Variants in MLKL observed in about 807,000 individuals in gnomAD.
The protein encoded by MLKL is mixed lineage kinase domain like pseudokinase.
A neutral mutation model predicts 56.5 loss-of-function variants in MLKL; 55 were observed. That is an observed-to-expected ratio of 0.97 (90% CI 0.78 to 1.22). The LOEUF (loss-of-function observed/expected upper bound fraction) is 1.22, where lower values mean the gene tolerates loss of function less well. MLKL is among the 50% of genes most tolerant of loss of function. The pLI, the probability that MLKL is intolerant of heterozygous loss-of-function variation, is 0.00. For synonymous variants in MLKL, 251 were observed against 208.3 expected, an observed-to-expected ratio of 1.20 and a Z score of -1.76; for missense variants, 694 against 573.9, an observed-to-expected ratio of 1.21 and a Z score of -2.14.
intron 5 of MLKL, among the ~76,000 whole-genome samples, chr16:74,684,136 C>G (rs1207374282): frequency 6.6e-6 from 1 of 151,812 alleles, no homozygotes; most frequent in Non-Finnish European, 1.5e-5. Flanking sequence ...TTAGTAGAGA[C>G]AGGGTTTTAT....
rs577094279 is a variant in MLKL, at chr16:74,697,343, C to A, written c.-2-1584G>T. ...GAACTGACATGAAGTGTACCCCATC[C>A]CCTAACTGCAGGTTTCATGAACCAA... On this transcript the variant is annotated intron_variant, in intron 1 of 10. Transcript: ENST00000308807. Among the ~76,000 whole-genome samples the A allele has an allele frequency of 7.2e-5, 11 of 152,198 alleles. No homozygotes were observed. The South Asian group carries it at 2.3e-3, about 32-fold the overall frequency.
intron 1 of MLKL, among the ~76,000 whole-genome samples, chr16:74,699,451 C>T (rs1961246843): frequency 6.6e-6 from 1 of 152,112 alleles, no homozygotes; most frequent in South Asian, 2.1e-4. Flanking sequence ...CCTACAATAA[C>T]TTAAATTGTT....
chr16:74,688,627 T>C (rs551199144), intron 4 of MLKL, among the ~76,000 whole-genome samples: 8 of 152,180 alleles, frequency 5.3e-5, no homozygotes, highest in Admixed American at 3.3e-4. Context: ...GGCATGAGAA[T>C]TGCTTGAACC....
intron 7 of MLKL, chr16:74,676,181 CA>C (rs913780758): frequency 1.1e-6 from 1 of 939,948 alleles, no homozygotes; most frequent in African/African-American, 1.8e-5. Flanking sequence ...CCCAAAGAAG[CA>C]GATGGAAAAA....
At chr16:74,699,755 C>T (rs945420302) in intron 1 of MLKL, among the ~76,000 whole-genome samples, 2 of 151,974 alleles carry the variant, frequency 1.3e-5, no homozygotes, top group African/African-American at 4.8e-5. Flanking sequence ...GGTGACAAAG[C>T]GAGACCCTGG....
intron 2 of MLKL, 130 bp downstream of exon 2, chr16:74,695,161 CGCGCCCA>C: frequency 4.3e-6 from 4 of 920,716 alleles, no homozygotes; most frequent in Non-Finnish European, 6.4e-6. Context: ...CGAGAGCCAT[CGCGCCCA>C]GCTAGGAGTT....
Position 74,678,738 on chromosome 16 carries a change from G to A in MLKL, c.1038+161C>T, listed in dbSNP as rs115446228. On this transcript the variant is annotated intron_variant, in intron 7 of 10. Transcript: ENST00000308807. ...GCAGAGGTTGCAGCGGGGCGATCTC[G>A]CTCACTGCCCTCCAGCTTGGGTGAC... Among the ~76,000 whole-genome samples the A allele has an allele frequency of 1.3e-3, 203 of 152,262 alleles. 1 individual carries two copies. Among genetic ancestry groups the A allele is most frequent in the African/African-American group, 4.7e-3 (196 of 41,556 alleles).
chr16:74,693,373 C>T (rs1960792182), intron 2 of MLKL, among the ~76,000 whole-genome samples: 1 of 143,338 alleles, frequency 7.0e-6, no homozygotes, highest in Non-Finnish European at 1.5e-5. Context: ...GTGACTGAGG[C>T]ACAAGAATCA....
At chr16:74,697,109 G>A (rs996417074) in intron 1 of MLKL, among the ~76,000 whole-genome samples, 13 of 151,216 alleles carry the variant, frequency 8.6e-5, no homozygotes, top group Non-Finnish European at 1.3e-4. Context: ...TCAGCTACCT[G>A]GGAAGTTGAG....
chr16:74,683,904 G>A (rs1451170755), intron 5 of MLKL, among the ~76,000 whole-genome samples: 3 of 152,086 alleles, frequency 2.0e-5, no homozygotes, highest in African/African-American at 4.8e-5. Context: ...CACCTCAGCG[G>A]TCCCCAAGGA....
intron 1 of MLKL, among the ~76,000 whole-genome samples, chr16:74,696,429 A>T (rs1008702877): frequency 5.9e-5 from 9 of 151,684 alleles, no homozygotes; most frequent in South Asian, 4.2e-4. Context: ...GTTTTTTTTT[A>T]AAACATGTGG....
Position 74,682,796 on chromosome 16 carries a change from A to T in MLKL, c.821-10T>A. 6.2e-7 allele frequency: 1 copy of T among 1,613,944 alleles called. No individual in the cohort carries two copies. The highest frequency in any genetic ancestry group is 1.1e-5 in the South Asian group (1 of 91,052). ...AATTGAGGCGGAGTCACTGGTGGAAAGGAGCCAGACACTATGAGGACCCGC... is the reference window on the plus strand; with the variant it reads ...AATTGAGGCGGAGTCACTGGTGGAATGGAGCCAGACACTATGAGGACCCGC... On this transcript the variant is annotated splice_polypyrimidine_tract_variant and intron_variant, in intron 5 of 10. Transcript: ENST00000308807.
At chr16:74,678,117 G>A (rs1176688732) in intron 7 of MLKL, 1 of 152,320 alleles carries the variant, frequency 6.6e-6, no homozygotes, top group Non-Finnish European at 1.5e-5. Context: ...CACCTAATGG[G>A]AGCCTCTTTC....
chr16:74,688,015 C>T (rs1015980827), intron 4 of MLKL, among the ~76,000 whole-genome samples: 2 of 152,114 alleles, frequency 1.3e-5, no homozygotes, highest in Non-Finnish European at 2.9e-5. Context: ...TTAGTAGAGA[C>T]GGGTTTCACC....
chr16:74,677,034 A>T (rs548986976), intron 7 of MLKL: 1 of 151,618 alleles, frequency 6.6e-6, no homozygotes, highest in South Asian at 2.1e-4. Context: ...CTTTGTAGCA[A>T]ATTTTTCTTA....
intron 5 of MLKL, among the ~76,000 whole-genome samples, chr16:74,684,431 GA>G (rs66482612): frequency 0.16 from 18,113 of 112,754 alleles, 1,146 homozygotes; most frequent in Middle Eastern, 0.24. Flanking sequence ...GGGAAAAAAA[GA>G]AAAAAAAAAA....
At position 74,691,146 on chromosome 16, in the gene MLKL, A is replaced by C. The variant is rs547611867; in HGVS notation, c.722+131T>G. ...TTAAGTCAAGACTCTGCTCCTTAAC[A>C]GTGGAGAGCACATAATTTAACCCTT... On this transcript the variant is annotated intron_variant, in intron 4 of 10. Transcript: ENST00000308807. 3.6e-5 allele frequency: 27 copies of C among 741,686 alleles called. No homozygotes were observed. In the South Asian group the frequency reaches 4.9e-4, roughly 14 times the overall value. 45.9% of individuals were successfully genotyped at this position (741,686 alleles called of 1,614,324 possible).
At chr16:74,674,006 A>G (rs1843088492) in intron 10 of MLKL, among the ~76,000 whole-genome samples, 1 of 151,826 alleles carries the variant, frequency 6.6e-6, no homozygotes, top group Admixed American at 6.6e-5. Flanking sequence ...TAAAGGAAGG[A>G]AATAGGCAGG....
chr16:74,675,606 A>C lies in MLKL; in HGVS notation c.1190+7T>G. 6.2e-7 allele frequency: 1 copy of C among 1,611,624 alleles called. No homozygotes were observed. The highest frequency in any genetic ancestry group is 8.5e-7 in the Non-Finnish European group (1 of 1,179,322). ...GAGTTAGAATCTGTACCAGAACGTG[A>C]GTGTACCTGTATATTTCAGACTTTA... is the stretch of plus-strand genomic sequence containing the variant. On this transcript the variant is annotated splice_region_variant and intron_variant, in intron 8 of 10. Transcript: ENST00000308807.
Sources: allele counts gnomAD v4.1 joint callset (sites outside exome capture counted in the v4.1 genomes callset), GRCh38; gene constraint gnomAD v4.1.1; transcripts MANE v1.5; gene names NCBI Gene and HGNC (gene_info 2026-07-23, HGNC 2026-07-21).